The following BNC2 variants were observed in gnomAD, a reference collection of about 807,000 sequenced individuals.
BNC2 encodes the protein zinc finger protein basonuclin-2.
BNC2 carries 20 observed loss-of-function variants against 76.3 expected under a neutral mutation model. The observed-to-expected ratio is 0.26, with a 90% CI of 0.18 to 0.38. The LOEUF is 0.38. Among genes scored for constraint, BNC2 ranks in the 10% least tolerant of loss-of-function variants. The pLI is 1.00. For synonymous variants in BNC2, 582 were observed against 514.8 expected, an observed-to-expected ratio of 1.13 and a Z score of -1.77; for missense variants, 1,382 against 1,399.8, an observed-to-expected ratio of 0.99 and a Z score of 0.20.
At chr9:16,687,394 G>A (rs952445245) in intron 3 of BNC2, among the ~76,000 whole-genome samples, 3 of 152,144 alleles carry the variant, frequency 2.0e-5, no homozygotes, top group African/African-American at 7.2e-5. Flanking sequence ...CCTCTTAACT[G>A]AGGAATAAGA....
rs1820456439 is a variant in BNC2, at chr9:16,411,346, CTT to C, written c.*7641_*7642del. ...AGAAATATACTTTCAATACTATCTA[CTT>C]CTCTCCATTTTTCTTAAAATACTTC... On this transcript the variant is annotated 3_prime_UTR_variant, in exon 7 of 7. Coordinates refer to ENST00000380672, the MANE Select transcript of BNC2 (RefSeq NM_017637.6). 1.3e-5 allele frequency: 2 copies of C among 152,608 alleles called. No individual in the cohort carries two copies. The highest frequency in any genetic ancestry group is 1.3e-4 in the Admixed American group (2 of 15,282). 9.5% of individuals were successfully genotyped at this position (152,608 alleles called of 1,614,324 possible). A position where few individuals can be genotyped will look rare whatever the true frequency, so the allele number is the denominator to read the frequency against.
rs77481772 is a variant in BNC2, at chr9:16,786,210, C to A, written c.4-47725G>T. Among the ~76,000 whole-genome samples, 26 of 152,244 alleles carry A rather than the reference C, an allele frequency of 1.7e-4. 2 individuals carry two copies. In the East Asian group the frequency reaches 5.0e-3, roughly 29 times the overall value. On this transcript the variant is annotated intron_variant, in intron 1 of 6. Coordinates refer to ENST00000380672, the MANE Select transcript of BNC2 (RefSeq NM_017637.6). ...TTTACAGAAAACATATGGGAACTTACCTGGGGAAATTTGCTTTCTCTTAAC... is the reference window on the plus strand; with the variant it reads ...TTTACAGAAAACATATGGGAACTTAACTGGGGAAATTTGCTTTCTCTTAAC...
intron 1 of BNC2, among the ~76,000 whole-genome samples, chr9:16,837,421 T>G (rs1818732718): frequency 6.6e-6 from 1 of 152,152 alleles, no homozygotes; most frequent in African/African-American, 2.4e-5. Flanking sequence ...GGAGAATCAC[T>G]TGAACCTTGC....
intron 3 of BNC2, among the ~76,000 whole-genome samples, chr9:16,659,627 T>C (rs79557361): frequency 1.3e-5 from 2 of 150,770 alleles, no homozygotes; most frequent in Non-Finnish European, 3.0e-5. Flanking sequence ...AAAAAAAAAT[T>C]ACCAAGCTTG....
chr9:16,842,342 G>C (rs1818853540), intron 1 of BNC2, among the ~76,000 whole-genome samples: 1 of 152,082 alleles, frequency 6.6e-6, no homozygotes, highest in Non-Finnish European at 1.5e-5. Context: ...GAAACGAATG[G>C]GTGTTTGGCA....
chr9:16,688,173 C>A (rs1055367202), intron 3 of BNC2, among the ~76,000 whole-genome samples: 6 of 152,168 alleles, frequency 3.9e-5, no homozygotes, highest in Non-Finnish European at 8.8e-5. Context: ...ACCCCATCCA[C>A]CACAATCAGC....
chr9:16,476,584 C>T (rs966900611), intron 5 of BNC2, among the ~76,000 whole-genome samples: 20 of 148,282 alleles, frequency 1.3e-4, no homozygotes, highest in African/African-American at 4.9e-4. Context: ...AAAAAAAAAA[C>T]TCTGGCAGTT....
chr9:16,685,886 A>G (rs1822963263), intron 3 of BNC2, among the ~76,000 whole-genome samples: 1 of 152,236 alleles, frequency 6.6e-6, no homozygotes, highest in Non-Finnish European at 1.5e-5. Flanking sequence ...CACAGCAGGT[A>G]GCACACAGTA....
intron 1 of BNC2, among the ~76,000 whole-genome samples, chr9:16,755,231 C>T (rs868115983): frequency 1.3e-5 from 2 of 152,222 alleles, no homozygotes; most frequent in South Asian, 2.1e-4. Flanking sequence ...CACATGGCCT[C>T]AAATGGAGGG....
chr9:16,636,636 T>A (rs957053520), intron 3 of BNC2, among the ~76,000 whole-genome samples: 5 of 152,156 alleles, frequency 3.3e-5, no homozygotes, highest in African/African-American at 7.2e-5. Flanking sequence ...TACATATCTA[T>A]ATGCCATGAA....
intron 3 of BNC2, among the ~76,000 whole-genome samples, chr9:16,601,237 G>A (rs893516997): frequency 7.9e-5 from 12 of 152,160 alleles, no homozygotes; most frequent in Non-Finnish European, 1.5e-5. Flanking sequence ...CCACACTCCA[G>A]AATCGGGGAA....
chr9:16,720,807 T>C (rs1023063019), intron 3 of BNC2, among the ~76,000 whole-genome samples: 2 of 152,158 alleles, frequency 1.3e-5, no homozygotes, highest in Non-Finnish European at 2.9e-5. Flanking sequence ...GCTCTATGAA[T>C]GAAGAAAACA....
At chr9:16,449,406 T>C (rs995279609) in intron 5 of BNC2, among the ~76,000 whole-genome samples, 1 of 152,230 alleles carries the variant, frequency 6.6e-6, no homozygotes, top group Non-Finnish European at 1.5e-5. Flanking sequence ...CTTGTCATTA[T>C]GCATCCTGGA....
chr9:16,420,298 G>A (rs986841995), intron 6 of BNC2, among the ~76,000 whole-genome samples: 1 of 151,988 alleles, frequency 6.6e-6, no homozygotes, highest in Non-Finnish European at 1.5e-5. Flanking sequence ...TTAACAACAC[G>A]AATGCCTTTT....
chr9:16,522,462 T>A (rs369414530), intron 5 of BNC2, among the ~76,000 whole-genome samples: 29 of 152,254 alleles, frequency 1.9e-4, no homozygotes, highest in African/African-American at 6.7e-4. Flanking sequence ...TAGAGACATA[T>A]GAAGAGATGA....
intron 1 of BNC2, among the ~76,000 whole-genome samples, chr9:16,856,950 T>C (rs546281937): frequency 6.6e-6 from 1 of 152,290 alleles, no homozygotes; most frequent in African/African-American, 2.4e-5. Flanking sequence ...TTTCAGTTAC[T>C]TACATTCTTT....
intron 1 of BNC2, among the ~76,000 whole-genome samples, chr9:16,811,722 T>C (rs956745432): frequency 6.6e-6 from 1 of 152,184 alleles, no homozygotes; most frequent in African/African-American, 2.4e-5. Context: ...GCTATGCATG[T>C]GGAGGCACTC....
At chr9:16,728,357 C>T in intron 2 of BNC2, 1 of 384,492 alleles carries the variant, frequency 2.6e-6, no homozygotes, top group South Asian at 2.2e-5. Context: ...ACTAACCCCT[C>T]TCCAGATATA....
chr9:16,819,496 CTACTAAAAA>C (rs1818264055), intron 1 of BNC2, among the ~76,000 whole-genome samples: 1 of 152,046 alleles, frequency 6.6e-6, no homozygotes, highest in South Asian at 2.1e-4. Context: ...AACCACGTCT[CTACTAAAAA>C]TACAAAAATT....
Sources: allele counts gnomAD v4.1 joint callset (sites outside exome capture counted in the v4.1 genomes callset), GRCh38; gene constraint gnomAD v4.1.1; transcripts MANE v1.5; gene names NCBI Gene and HGNC (gene_info 2026-07-23, HGNC 2026-07-21).